SLC25A48: variants seen among roughly 807,000 people sequenced by gnomAD.
SLC25A48 encodes solute carrier family 25 member 48.
Under a neutral mutation model 32.2 loss-of-function variants are expected in SLC25A48, and 29 were observed. That is an observed-to-expected ratio of 0.90 (90% CI 0.67 to 1.23). SLC25A48 has a LOEUF of 1.23. SLC25A48 is among the 50% of genes most tolerant of loss of function. The pLI, the probability that SLC25A48 is intolerant of heterozygous loss-of-function variation, is 0.00. For missense variants in SLC25A48, 399 were observed against 422.7 expected, an observed-to-expected ratio of 0.94 and a Z score of 0.49; for synonymous variants, 164 against 172.3, an observed-to-expected ratio of 0.95 and a Z score of 0.38.
At chr5:135,645,194 TG>T (rs1752931279) in intron 3 of SLC25A48, among the ~76,000 whole-genome samples, 1 of 152,216 alleles carries the variant, frequency 6.6e-6, no homozygotes, top group South Asian at 2.1e-4. Flanking sequence ...TCACTTCTTT[TG>T]CATTGTGTTT....
rs187209657 is a variant in SLC25A48, at chr5:135,837,876, G to T, written c.46+2983G>T. Among the ~76,000 whole-genome samples, 34 of 152,334 alleles carry T rather than the reference G, an allele frequency of 2.2e-4. No homozygotes were observed. The East Asian group carries it at 6.5e-3, about 29-fold the overall frequency. On this transcript the variant is annotated intron_variant, in intron 1 of 7. Coordinates refer to ENST00000681962, the MANE Select transcript of SLC25A48 (RefSeq NM_001349336.2). ...GAATAAGAATGGACTAATACAGTAAGTTGGTACCAGTAGAGTGGGATGTTA... is the reference window on the plus strand; with the variant it reads ...GAATAAGAATGGACTAATACAGTAATTTGGTACCAGTAGAGTGGGATGTTA...
At position 135,618,350 on chromosome 5, in the gene SLC25A48, AT is replaced by A. The variant is rs144264552; in HGVS notation, c.-848-10878del. 2.0e-5 allele frequency among the ~76,000 whole-genome samples: 3 copies of A among 151,166 alleles called. 1 individual carries two copies. The highest frequency in any genetic ancestry group is 4.2e-4 in the South Asian group (2 of 4,776). On this transcript the variant is annotated intron_variant, in intron 1 of 10. Coordinates refer to the SLC25A48 transcript ENST00000646290. The stretch of plus-strand genomic sequence containing the variant: ...TTAGCAGGCAGAAAATAGGTGGATC[AT>A]TTTTTTTTATATTTCAGCCAATCTC...
chr5:135,868,017 C>T (rs904003146), intron 4 of SLC25A48, among the ~76,000 whole-genome samples: 2 of 152,168 alleles, frequency 1.3e-5, no homozygotes, highest in African/African-American at 4.8e-5. Context: ...GTAAACAAAA[C>T]AGTTTATTTC....
At chr5:135,706,307 T>C (rs1390099877) in intron 3 of SLC25A48, among the ~76,000 whole-genome samples, 1 of 152,136 alleles carries the variant, frequency 6.6e-6, no homozygotes. Flanking sequence ...GAGTTGGGTG[T>C]AGGAGGTACC....
chr5:135,886,927 GC>G (rs1762758886), intron 7 of SLC25A48, among the ~76,000 whole-genome samples: 1 of 151,744 alleles, frequency 6.6e-6, no homozygotes, highest in South Asian at 2.1e-4. Flanking sequence ...GAGTTGGGGG[GC>G]TTCAGGGTTG....
At chr5:135,649,121 G>A (rs546313304) in intron 3 of SLC25A48, 9 of 152,346 alleles carry the variant, frequency 5.9e-5, no homozygotes, top group Admixed American at 3.9e-4. Context: ...ACCAATTTAT[G>A]GGAAGATGGA....
At chr5:135,722,157 A>G (rs1427126798) in intron 3 of SLC25A48, among the ~76,000 whole-genome samples, 1 of 152,244 alleles carries the variant, frequency 6.6e-6, no homozygotes, top group African/African-American at 2.4e-5. Flanking sequence ...TTCTGAATCT[A>G]TGTAGAAACA....
At position 135,668,692 on chromosome 5, in the gene SLC25A48, T is replaced by C. The variant is rs571573487; in HGVS notation, c.-521+33736T>C. 3.9e-5 allele frequency among the ~76,000 whole-genome samples: 6 copies of C among 152,164 alleles called. No individual in the cohort carries two copies. In the South Asian group the frequency reaches 1.2e-3, roughly 32 times the overall value. On this transcript the variant is annotated intron_variant, in intron 3 of 10. Transcript: ENST00000646290. ...TCAATCACAGCTGCCACCTTTGACC[T>C]ATGGACTTGCACAAAGCAGCAAACA... is the stretch of plus-strand genomic sequence containing the variant.
chr5:135,620,644 G>T (rs886741471), intron 1 of SLC25A48, among the ~76,000 whole-genome samples: 6 of 152,080 alleles, frequency 3.9e-5, no homozygotes, highest in Non-Finnish European at 8.8e-5. Context: ...CTTGGGGAGT[G>T]GGGTTGTTGC....
At chr5:135,717,624 G>A (rs920093851) in intron 3 of SLC25A48, among the ~76,000 whole-genome samples, 3 of 152,276 alleles carry the variant, frequency 2.0e-5, no homozygotes, top group East Asian at 3.9e-4. Context: ...GCTACACAAC[G>A]CACAGGGAAA....
chr5:135,647,377 G>A (rs1409665397), intron 3 of SLC25A48, among the ~76,000 whole-genome samples: 1 of 152,082 alleles, frequency 6.6e-6, no homozygotes, highest in Non-Finnish European at 1.5e-5. Flanking sequence ...GAATCCCAGG[G>A]ACAGGAGCTG....
intron 3 of SLC25A48, among the ~76,000 whole-genome samples, chr5:135,680,786 A>T (rs1334668800): frequency 6.6e-5 from 10 of 152,230 alleles, no homozygotes; most frequent in Admixed American, 6.5e-4. Context: ...ACTACGTTTC[A>T]TGATGTGATT....
chr5:135,817,873 C>T (rs568450669), intron 4 of SLC25A48, among the ~76,000 whole-genome samples: 79 of 152,228 alleles, frequency 5.2e-4, no homozygotes, highest in African/African-American at 1.8e-3. Flanking sequence ...GCATGATAGC[C>T]TAAGCTCACT....
chr5:135,647,288 G>A (rs1752986976), intron 3 of SLC25A48, among the ~76,000 whole-genome samples: 1 of 152,104 alleles, frequency 6.6e-6, no homozygotes, highest in Non-Finnish European at 1.5e-5. Flanking sequence ...CTAGTGTCCT[G>A]TTCTGTTCCT....
intron 3 of SLC25A48, among the ~76,000 whole-genome samples, chr5:135,807,419 GT>G (rs918125311): frequency 1.8e-4 from 27 of 150,496 alleles, no homozygotes; most frequent in African/African-American, 6.3e-4. Flanking sequence ...ATCCTAGTGT[GT>G]TAACACTTGA....
At chr5:135,777,964 C>A (rs72667121) in intron 3 of SLC25A48, among the ~76,000 whole-genome samples, 45,889 of 151,570 alleles carry the variant, frequency 0.3, 7,105 homozygotes, top group East Asian at 0.46. Context: ...ATGGATATTA[C>A]TGCCAATATC....
intron 1 of SLC25A48, among the ~76,000 whole-genome samples, chr5:135,613,421 T>G (rs763957289): frequency 4.1e-4 from 62 of 152,214 alleles, no homozygotes; most frequent in African/African-American, 1.4e-3. Context: ...CAGAAGCTTT[T>G]AAGTTTATTA....
intron 3 of SLC25A48, among the ~76,000 whole-genome samples, chr5:135,738,711 C>T (rs80010444): frequency 0.05 from 7,641 of 152,234 alleles, 574 homozygotes; most frequent in African/African-American, 0.16. Flanking sequence ...AGGAGGGCCT[C>T]GCACACTCAG....
At chr5:135,672,501 C>T (rs1167541404) in intron 3 of SLC25A48, among the ~76,000 whole-genome samples, 4 of 152,142 alleles carry the variant, frequency 2.6e-5, no homozygotes, top group African/African-American at 9.7e-5. Context: ...TGCTCAAACC[C>T]ATGGTCTCGT....
Sources: gnomAD v4.1 joint callset for allele counts (sites outside exome capture counted in the v4.1 genomes callset) on GRCh38, gnomAD v4.1.1 for gene constraint, MANE v1.5 for transcripts, NCBI Gene and HGNC (gene_info 2026-07-23, HGNC 2026-07-21) for gene names.